The following EDEM2 variants were observed in gnomAD, a reference collection of about 807,000 sequenced individuals.
EDEM2 encodes the protein ER degradation enhancing alpha-mannosidase like protein 2, also known as ER degradation-enhancing alpha-mannosidase-like protein 2.
EDEM2 carries 39 observed loss-of-function variants against 64.8 expected under a neutral mutation model. The observed-to-expected ratio is 0.60, with a 90% CI of 0.47 to 0.79. The LOEUF is 0.79. Ranked by LOEUF, EDEM2 falls within the 30% of genes least tolerant of loss-of-function variation. The pLI, the probability that EDEM2 is intolerant of heterozygous loss-of-function variation, is 0.00. For synonymous variants in EDEM2, 296 were observed against 291.5 expected (o/e 1.02, Z -0.16); for missense variants, 609 against 731.3 (o/e 0.83, Z 1.93).
intron 7 of EDEM2, among the ~76,000 whole-genome samples, chr20:35,128,040 C>A (rs1429093364): frequency 6.6e-6 from 1 of 152,268 alleles, no homozygotes; most frequent in African/African-American, 2.4e-5. Flanking sequence ...CAACCATTTA[C>A]GCGTTTATGT....
chr20:35,146,838 C>T lies in EDEM2; in HGVS notation c.205G>A (p.Asp69Asn). Reference protein sequence around the residue: ...ELRPLTCDGHDTWGSFSLTLI... With the variant: ...ELRPLTCDGHNTWGSFSLTLI... ...CGCTCGCACTACCTGCCCCAGGTGT[C>T]GTGCCCGTCACAGGTGAGAGGTCGC... The change falls in exon 2 of 11, where the codon GAC becomes AAC. Residue 69 changes from aspartate (D) to asparagine (N), a missense_variant. Coordinates refer to ENST00000374492, the MANE Select transcript of EDEM2 (RefSeq NM_018217.3). The T allele has an allele frequency of 6.2e-7, 1 of 1,614,010 alleles. No individual in the cohort carries two copies. Among genetic ancestry groups the T allele is most frequent in the Non-Finnish European group, 8.5e-7 (1 of 1,179,970 alleles).
At chr20:35,118,514 A>C (rs1169367283) in intron 10 of EDEM2, 84 bp downstream of exon 10, 6 of 1,591,976 alleles carry the variant, frequency 3.8e-6, no homozygotes, top group Non-Finnish European at 5.2e-6. Flanking sequence ...GATATGTCAG[A>C]ACTCCCAAAG....
rs540188545 is a variant in EDEM2, at chr20:35,119,698, T to G, written c.1115-979A>C. Reference sequence around the variant, plus strand: ...ACTGTGGCCAGAAAAAGTGATGTTTTGTCTTGCCCAATTCTATGCCACAAC... The same window carrying G: ...ACTGTGGCCAGAAAAAGTGATGTTTGGTCTTGCCCAATTCTATGCCACAAC... On this transcript the variant is annotated intron_variant, in intron 9 of 10. Transcript: ENST00000374492. Among the ~76,000 whole-genome samples, 18 of 152,328 alleles carry G rather than the reference T, an allele frequency of 1.2e-4. No individual in the cohort carries two copies. The East Asian group carries it at 3.1e-3, about 26-fold the overall frequency.
intron 7 of EDEM2, among the ~76,000 whole-genome samples, chr20:35,127,042 G>A (rs1026926455): frequency 3.9e-5 from 6 of 152,138 alleles, no homozygotes; most frequent in Non-Finnish European, 8.8e-5. Flanking sequence ...TGAATCATGG[G>A]GGCCGTTTCC....
chr20:35,134,877 G>A lies in EDEM2; in HGVS notation c.563C>T (p.Pro188Leu). 6.2e-7 allele frequency: 1 copy of A among 1,614,198 alleles called. No individual in the cohort carries two copies. The highest frequency in any genetic ancestry group is 8.5e-7 in the Non-Finnish European group (1 of 1,180,042). ...LLHGVNPGET[P>L]VTCTAGIGTF... is the part of the protein sequence containing the mutation. ...CCCAATCCCTGCCGTACAGGTGACA[G>A]GGGTCTCTCCTGGGTTCACGCCATG... The change falls in exon 6 of 11, where the codon CCT (proline) becomes CTT (leucine). Residue 188 changes from proline (P) to leucine (L), a missense_variant. Physicochemically the swap from Pro to Leu is moderately conservative, Grantham distance 98 (BLOSUM62 -3). Transcript: ENST00000374492.
At position 35,142,353 on chromosome 20, in the gene EDEM2, TC is replaced by T. The variant is rs1296223302; in HGVS notation, c.364+19del. ...TTCACACTCTTTTTTCTTTTAAAGG[TC>T]CTAGAGAGCAGCCCTTACCTCGAAT... On this transcript the variant is annotated intron_variant, in intron 4 of 10. Coordinates refer to ENST00000374492, the MANE Select transcript of EDEM2 (RefSeq NM_018217.3). 1 of 1,584,440 alleles carries T rather than the reference TC, an allele frequency of 6.3e-7. No homozygotes were observed. The highest frequency in any genetic ancestry group is 1.7e-5 in the Admixed American group (1 of 59,352).
chr20:35,146,209 A>AG (rs1569184335), intron 2 of EDEM2, among the ~76,000 whole-genome samples: 2 of 151,744 alleles, frequency 1.3e-5, no homozygotes, highest in African/African-American at 4.8e-5. Flanking sequence ...TACCACTTGA[A>AG]TTTGCCATTT....
Position 35,123,974 on chromosome 20 carries a change from T to C in EDEM2, c.1030A>G (p.Lys344Glu). 1 of 1,614,144 alleles carries C rather than the reference T, an allele frequency of 6.2e-7. No individual in the cohort carries two copies. Among genetic ancestry groups the C allele is most frequent in the Non-Finnish European group, 8.5e-7 (1 of 1,180,010 alleles). The part of the protein sequence containing the change: ...RTFLNYYTVW[K>E]QFGGLPEFYN... The stretch of plus-strand genomic sequence containing the variant: ...AATTCCGGGAGCCCCCCAAACTGCT[T>C]CCATACAGTGTAGTAGTTGAGGAAG... Residue 344 changes from lysine (K) to glutamate (E), a missense_variant, in exon 9 of 11, where the codon AAG becomes GAG. Transcript: ENST00000374492.
At chr20:35,128,565 TAA>T (rs34451037) in intron 7 of EDEM2, among the ~76,000 whole-genome samples, 2 of 78,016 alleles carry the variant, frequency 2.6e-5, no homozygotes, top group African/African-American at 6.6e-5. Context: ...AAACTCTGTC[TAA>T]AAAAAAAAAA....
intron 8 of EDEM2, among the ~76,000 whole-genome samples, chr20:35,125,201 CTT>C (rs11468187): frequency 0.15 from 19,185 of 127,858 alleles, 1,328 homozygotes; most frequent in Middle Eastern, 0.24. Context: ...CCGGTGGCCA[CTT>C]TTTTTTTTTT....
At chr20:35,118,471 A>T (rs1282258034) in intron 10 of EDEM2, 127 bp downstream of exon 10, 1 of 1,393,360 alleles carries the variant, frequency 7.2e-7, no homozygotes. Flanking sequence ...AAATATGAGC[A>T]TTATGTATAT....
intron 7 of EDEM2, among the ~76,000 whole-genome samples, chr20:35,130,637 G>A: frequency 6.6e-6 from 1 of 152,148 alleles, no homozygotes. Flanking sequence ...CTACAGGCGT[G>A]AGCCACTGCA....
intron 10 of EDEM2, among the ~76,000 whole-genome samples, chr20:35,116,866 T>A (rs2085314975): frequency 1.3e-5 from 2 of 152,070 alleles, no homozygotes; most frequent in Non-Finnish European, 2.9e-5. Flanking sequence ...CTCGGCTCAC[T>A]GCAACCTCTG....
At chr20:35,127,492 C>T (rs1205092533) in intron 7 of EDEM2, among the ~76,000 whole-genome samples, 1 of 152,140 alleles carries the variant, frequency 6.6e-6, no homozygotes, top group Non-Finnish European at 1.5e-5. Flanking sequence ...AGGCCTGGGA[C>T]TTTGTTTTGT....
chr20:35,138,113 T>C, intron 4 of EDEM2, 108 bp from the exon 5 acceptor site: 1 of 1,423,262 alleles, frequency 7.0e-7, no homozygotes, highest in Non-Finnish European at 9.5e-7. Context: ...GTGGGGCGCA[T>C]GTTCTCAGGA....
At chr20:35,137,536 CCT>C (rs1277343556) in intron 5 of EDEM2, among the ~76,000 whole-genome samples, 6 of 152,284 alleles carry the variant, frequency 3.9e-5, no homozygotes, top group African/African-American at 1.4e-4. Flanking sequence ...TCCCTGGGCC[CCT>C]GTTACTCCAG....
chr20:35,143,751 C>T (rs1235460871), intron 3 of EDEM2, among the ~76,000 whole-genome samples: 1 of 152,060 alleles, frequency 6.6e-6, no homozygotes, highest in African/African-American at 2.4e-5. Flanking sequence ...GGGTCTTGCT[C>T]TGTTACACAG....
At chr20:35,132,782 C>G (rs2085522942) in intron 6 of EDEM2, among the ~76,000 whole-genome samples, 1 of 152,216 alleles carries the variant, frequency 6.6e-6, no homozygotes, top group Non-Finnish European at 1.5e-5. Flanking sequence ...AGGTGATACG[C>G]CTGCCTTGGC....
In EDEM2 at chr20:35,136,859, T is replaced by A. The variant is rs372260125; in HGVS notation, c.490+1021A>T. Among the ~76,000 whole-genome samples the A allele has an allele frequency of 2.6e-5, 4 of 151,878 alleles. No individual in the cohort carries two copies. In the South Asian group the frequency reaches 8.3e-4, roughly 32 times the overall value. On this transcript the variant is annotated intron_variant, in intron 5 of 10. Coordinates refer to ENST00000374492, the MANE Select transcript of EDEM2 (RefSeq NM_018217.3). ...TGACGTGTCTGGGTGTGAACAGTCCTCAGAGCCTCCACCACACCCTGAAGG... is the reference window on the plus strand; with the variant it reads ...TGACGTGTCTGGGTGTGAACAGTCCACAGAGCCTCCACCACACCCTGAAGG...
Sources: gnomAD v4.1 joint callset for allele counts (sites outside exome capture counted in the v4.1 genomes callset) on GRCh38, gnomAD v4.1.1 for gene constraint, MANE v1.5 for transcripts, NCBI Gene and HGNC (gene_info 2026-07-23, HGNC 2026-07-21) for gene names.